ZNF385D: variants seen among roughly 807,000 people sequenced by gnomAD.
ZNF385D encodes the protein zinc finger protein 385D, also known as zinc finger protein 659.
In ZNF385D, 15 loss-of-function variants were observed where a neutral mutation model predicts 35.8. The ratio of observed to expected loss-of-function variants is 0.42; its 90% CI spans 0.28 to 0.64. The LOEUF (loss-of-function observed/expected upper bound fraction) is 0.64, where lower values mean the gene tolerates loss of function less well. Among genes scored for constraint, ZNF385D ranks in the 30% least tolerant of loss-of-function variants. The pLI is 0.23. For missense variants in ZNF385D, 474 were observed against 494.6 expected, an observed-to-expected ratio of 0.96 and a Z score of 0.39; for synonymous variants, 212 against 186.8, an observed-to-expected ratio of 1.13 and a Z score of -1.10.
chr3:21,568,035 A>G (rs1482796948), intron 2 of ZNF385D, among the ~76,000 whole-genome samples: 1 of 151,966 alleles, frequency 6.6e-6, no homozygotes, highest in Non-Finnish European at 1.5e-5. Flanking sequence ...CTGCAGAGAC[A>G]ATTTTATTTC....
At chr3:22,203,629 C>T (rs1467674089) in intron 2 of ZNF385D, among the ~76,000 whole-genome samples, 1 of 152,062 alleles carries the variant, frequency 6.6e-6, no homozygotes, top group Non-Finnish European at 1.5e-5. Flanking sequence ...CCCACTGCTT[C>T]CCACAGTCAC....
At chr3:21,671,986 ATG>A (rs1238971419) in intron 1 of ZNF385D, among the ~76,000 whole-genome samples, 1 of 152,176 alleles carries the variant, frequency 6.6e-6, no homozygotes, top group Non-Finnish European at 1.5e-5. Context: ...ATAAATAAAT[ATG>A]TGTTTGTCAC....
chr3:22,279,564 A>G (rs536219500), intron 2 of ZNF385D, among the ~76,000 whole-genome samples: 1 of 143,978 alleles, frequency 6.9e-6, no homozygotes, highest in Admixed American at 6.9e-5. Flanking sequence ...ACATATGTAC[A>G]TATATATGTA....
chr3:22,164,027 T>C (rs984941436), intron 3 of ZNF385D, among the ~76,000 whole-genome samples: 4 of 152,194 alleles, frequency 2.6e-5, no homozygotes, highest in African/African-American at 4.8e-5. Flanking sequence ...GTTCATTTCT[T>C]ATTCCCAATA....
chr3:21,674,542 G>A (rs2066666313), intron 1 of ZNF385D, among the ~76,000 whole-genome samples: 2 of 152,068 alleles, frequency 1.3e-5, no homozygotes, highest in African/African-American at 4.8e-5. Context: ...AGCATAGTAA[G>A]CAATGTAATT....
At chr3:22,014,006 G>C (rs1696729026) in intron 3 of ZNF385D, among the ~76,000 whole-genome samples, 1 of 152,138 alleles carries the variant, frequency 6.6e-6, no homozygotes. Context: ...TGGCAGGACA[G>C]ATTGCAAAAA....
At chr3:22,033,712 C>G (rs1387187514) in intron 3 of ZNF385D, among the ~76,000 whole-genome samples, 1 of 152,018 alleles carries the variant, frequency 6.6e-6, no homozygotes, top group Non-Finnish European at 1.5e-5. Context: ...CTTGAACAAT[C>G]TGTGATTGAG....
At chr3:21,989,009 G>A (rs902172626) in intron 3 of ZNF385D, among the ~76,000 whole-genome samples, 6 of 152,128 alleles carry the variant, frequency 3.9e-5, no homozygotes, top group Admixed American at 2.0e-4. Context: ...GCCCTGCTTC[G>A]GCTCGCGCAC....
At chr3:21,579,491 A>C (rs2063588843) in intron 2 of ZNF385D, 2 of 152,184 alleles carry the variant, frequency 1.3e-5, no homozygotes, top group Admixed American at 6.5e-5. Context: ...TTCTTTTATG[A>C]AATCCTGGTG....
At chr3:22,206,699 TAAGTA>T (rs1697178981) in intron 2 of ZNF385D, among the ~76,000 whole-genome samples, 1 of 151,890 alleles carries the variant, frequency 6.6e-6, no homozygotes, top group African/African-American at 2.4e-5. Flanking sequence ...AAGAGATTAA[TAAGTA>T]AATTGAAAAA....
intron 3 of ZNF385D, among the ~76,000 whole-genome samples, chr3:21,525,131 C>T (rs1183557996): frequency 1.3e-5 from 2 of 152,024 alleles, no homozygotes; most frequent in African/African-American, 4.8e-5. Context: ...TCAATAATTA[C>T]AAAAATGTAA....
intron 3 of ZNF385D, among the ~76,000 whole-genome samples, chr3:21,934,329 T>C (rs999227241): frequency 6.6e-6 from 1 of 152,306 alleles, no homozygotes; most frequent in Admixed American, 6.5e-5. Context: ...GGTGAAATAA[T>C]GCTCTATGCT....
intron 3 of ZNF385D, among the ~76,000 whole-genome samples, chr3:22,087,717 T>C (rs1296461620): frequency 6.6e-6 from 1 of 152,184 alleles, no homozygotes; most frequent in Admixed American, 6.5e-5. Context: ...TTGGGTTTTG[T>C]TACTTGAAGT....
intron 3 of ZNF385D, among the ~76,000 whole-genome samples, chr3:21,522,833 T>G (rs1707999226): frequency 6.6e-6 from 1 of 152,226 alleles, no homozygotes; most frequent in South Asian, 2.1e-4. Context: ...TTTTGTTTTC[T>G]GCCTGGCTAT....
At chr3:21,857,304 A>G (rs1431650386) in intron 3 of ZNF385D, among the ~76,000 whole-genome samples, 2 of 152,106 alleles carry the variant, frequency 1.3e-5, no homozygotes, top group African/African-American at 4.8e-5. Context: ...AGGATGCAAA[A>G]GAGGGCAAGG....
At chr3:22,041,829 A>AG (rs1438575129) in intron 3 of ZNF385D, among the ~76,000 whole-genome samples, 1 of 152,164 alleles carries the variant, frequency 6.6e-6, no homozygotes. Context: ...GTTGAAAAAA[A>AG]CAGGAAGGAA....
intron 1 of ZNF385D, among the ~76,000 whole-genome samples, chr3:21,728,565 A>T (rs17619910): frequency 0.012 from 1,819 of 152,312 alleles, 19 homozygotes; most frequent in Non-Finnish European, 0.02. Context: ...TAGAAACCCT[A>T]CAACTTTCTG....
At chr3:21,600,983 A>G (rs1051784383) in intron 2 of ZNF385D, among the ~76,000 whole-genome samples, 1 of 152,136 alleles carries the variant, frequency 6.6e-6, no homozygotes, top group African/African-American at 2.4e-5. Flanking sequence ...AAAAATCCTG[A>G]CAAAATTTGC....
At chr3:22,179,401 G>A (rs774999362) in intron 2 of ZNF385D, among the ~76,000 whole-genome samples, 19 of 152,248 alleles carry the variant, frequency 1.2e-4, no homozygotes, top group Non-Finnish European at 2.5e-4. Context: ...TGTTATTGGT[G>A]TATAAGAATG....
Sources: gnomAD v4.1 joint callset for allele counts (sites outside exome capture counted in the v4.1 genomes callset) on GRCh38, gnomAD v4.1.1 for gene constraint, MANE v1.5 for transcripts, NCBI Gene and HGNC (gene_info 2026-07-23, HGNC 2026-07-21) for gene names.